Variants in KCNN2 observed in about 807,000 individuals in gnomAD.
KCNN2 encodes the protein small conductance calcium-activated potassium channel protein 2.
In KCNN2, 24 loss-of-function variants were observed where a neutral mutation model predicts 55.5. The observed-to-expected ratio is 0.43, with a 90% CI of 0.31 to 0.61. The LOEUF (loss-of-function observed/expected upper bound fraction) is 0.61, where lower values mean the gene tolerates loss of function less well. Ranked by LOEUF, KCNN2 falls within the 20% of genes least tolerant of loss-of-function variation. The pLI, the probability that KCNN2 is intolerant of heterozygous loss-of-function variation, is 0.08. For synonymous variants in KCNN2, 431 were observed against 336.1 expected (o/e 1.28, Z -3.09); for missense variants, 754 against 853.6 (o/e 0.88, Z 1.45).
chr5:114,237,588 C>T (rs1430950885), intron 2 of KCNN2, among the ~76,000 whole-genome samples: 2 of 152,098 alleles, frequency 1.3e-5, no homozygotes, highest in Non-Finnish European at 2.9e-5. Flanking sequence ...AGCAGCTTCA[C>T]TTTTATCTCT....
At chr5:114,255,482 A>G (rs913133124) in intron 2 of KCNN2, among the ~76,000 whole-genome samples, 1 of 152,194 alleles carries the variant, frequency 6.6e-6, no homozygotes, top group East Asian at 1.9e-4. Flanking sequence ...CAAAGGATGT[A>G]GAGAGGTAGC....
chr5:114,180,175 G>C lies in KCNN2; in HGVS notation c.-270-41305G>C, dbSNP rs559916730. Among the ~76,000 whole-genome samples, 6 of 152,128 alleles carry C rather than the reference G, an allele frequency of 3.9e-5. 1 individual carries two copies. The highest frequency in any genetic ancestry group is 3.9e-4 in the East Asian group (2 of 5,160). On this transcript the variant is annotated intron_variant, in intron 1 of 10. Coordinates refer to the KCNN2 transcript ENST00000512097. ...TTGAGTTGACAAATTCTTCATACTT[G>C]GGCTATGGTTCCTACCTCCAAAATC...
At chr5:114,102,190 T>G (rs949826457) in intron 1 of KCNN2, among the ~76,000 whole-genome samples, 1 of 152,216 alleles carries the variant, frequency 6.6e-6, no homozygotes, top group African/African-American at 2.4e-5. Flanking sequence ...ACAGTGATGA[T>G]GAGCTTTTTT....
chr5:114,150,384 C>T (rs1011725194), intron 1 of KCNN2, among the ~76,000 whole-genome samples: 1 of 152,138 alleles, frequency 6.6e-6, no homozygotes, highest in South Asian at 2.1e-4. Flanking sequence ...CCTGAAAAAC[C>T]AGTAAAACTT....
intron 1 of KCNN2, among the ~76,000 whole-genome samples, chr5:114,187,913 C>T (rs1753372693): frequency 6.6e-6 from 1 of 151,620 alleles, no homozygotes; most frequent in Non-Finnish European, 1.5e-5. Context: ...CTCCTGGGTT[C>T]AAGCAAGTCT....
chr5:114,249,131 A>T (rs1388391805), intron 2 of KCNN2, among the ~76,000 whole-genome samples: 1 of 152,210 alleles, frequency 6.6e-6, no homozygotes, highest in Non-Finnish European at 1.5e-5. Context: ...CAATCAAAAT[A>T]GCAAGACATT....
chr5:114,493,040 C>G (rs1265358834), intron 6 of KCNN2, among the ~76,000 whole-genome samples: 1 of 152,060 alleles, frequency 6.6e-6, no homozygotes, highest in Non-Finnish European at 1.5e-5. Context: ...CAATGAAATT[C>G]CAGTTGCTTT....
At chr5:114,479,694 C>T (rs955376854) in intron 5 of KCNN2, among the ~76,000 whole-genome samples, 6 of 152,138 alleles carry the variant, frequency 3.9e-5, no homozygotes, top group Non-Finnish European at 8.8e-5. Flanking sequence ...GACCACAGTG[C>T]AATCAAATTA....
At chr5:114,173,438 TTGTGTGTGTGTGTGTGTGTG>T (rs61630138) in intron 1 of KCNN2, among the ~76,000 whole-genome samples, 2,664 of 142,200 alleles carry the variant, frequency 0.019, 78 homozygotes, top group African/African-American at 0.064. Flanking sequence ...TTTGTTTTGT[TTGTGTGTGTGTGTGTGTGTG>T]TGTGTGTGTG....
At chr5:114,446,054 C>G (rs1212237767) in intron 3 of KCNN2, among the ~76,000 whole-genome samples, 1 of 152,182 alleles carries the variant, frequency 6.6e-6, no homozygotes, top group East Asian at 1.9e-4. Context: ...CGTTACTGGC[C>G]TCCTCCCCTG....
At chr5:114,409,017 G>A (rs1192838265) in intron 3 of KCNN2, among the ~76,000 whole-genome samples, 2 of 152,166 alleles carry the variant, frequency 1.3e-5, no homozygotes, top group African/African-American at 2.4e-5. Flanking sequence ...ATCTGTGACA[G>A]TGTGGTGGGG....
At chr5:114,175,828 C>A (rs887057614) in intron 1 of KCNN2, among the ~76,000 whole-genome samples, 4 of 152,106 alleles carry the variant, frequency 2.6e-5, no homozygotes, top group African/African-American at 9.6e-5. Context: ...GCCATTTTGC[C>A]AGAGTTATTG....
chr5:114,187,223 C>G (rs1406141374), intron 1 of KCNN2, among the ~76,000 whole-genome samples: 3 of 151,872 alleles, frequency 2.0e-5, no homozygotes, highest in Non-Finnish European at 4.4e-5. Flanking sequence ...ACCACCCCCA[C>G]CCCACTTTTG....
At chr5:114,263,414 T>C (rs568257384) in intron 2 of KCNN2, among the ~76,000 whole-genome samples, 1 of 143,646 alleles carries the variant, frequency 7.0e-6, no homozygotes, top group Non-Finnish European at 1.5e-5. Flanking sequence ...ATGCAACACG[T>C]GCTAGATAAG....
intron 2 of KCNN2, among the ~76,000 whole-genome samples, chr5:114,315,974 A>C (rs1756493062): frequency 1.3e-5 from 2 of 152,126 alleles, no homozygotes; most frequent in African/African-American, 2.4e-5. Flanking sequence ...AGGAGGCAAA[A>C]AAAACCATTT....
intron 2 of KCNN2, among the ~76,000 whole-genome samples, chr5:114,285,277 C>A (rs1755716972): frequency 3.8e-5 from 4 of 104,090 alleles, no homozygotes; most frequent in South Asian, 4.1e-4. Context: ...AGCGAGACTC[C>A]ATCTCCAAAA....
chr5:114,258,146 T>C (rs2150002989), intron 2 of KCNN2, among the ~76,000 whole-genome samples: 1 of 152,356 alleles, frequency 6.6e-6, no homozygotes, highest in East Asian at 1.9e-4. Flanking sequence ...GAATCATATT[T>C]ACTGATTTGC....
chr5:114,152,713 T>A (rs1752552050), intron 1 of KCNN2, among the ~76,000 whole-genome samples: 1 of 152,070 alleles, frequency 6.6e-6, no homozygotes, highest in Admixed American at 6.6e-5. Flanking sequence ...AGGGTAGCTA[T>A]CTCTAAGGAG....
chr5:114,285,001 G>A (rs1189291820), intron 2 of KCNN2, among the ~76,000 whole-genome samples: 1 of 151,822 alleles, frequency 6.6e-6, no homozygotes, highest in Admixed American at 6.6e-5. Context: ...TAAGTTGGCA[G>A]GCTGGGCGCG....
Sources: gnomAD v4.1 joint callset for allele counts (sites outside exome capture counted in the v4.1 genomes callset) on GRCh38, gnomAD v4.1.1 for gene constraint, MANE v1.5 for transcripts, NCBI Gene and HGNC (gene_info 2026-07-23, HGNC 2026-07-21) for gene names.